Variants in POM121C observed in about 807,000 individuals in gnomAD.
POM121C encodes POM121 transmembrane nucleoporin C.
In POM121C, 20 loss-of-function variants were observed where a neutral mutation model predicts 66.4. The ratio of observed to expected loss-of-function variants is 0.30; its 90% CI spans 0.21 to 0.44. The LOEUF is 0.44. Among genes scored for constraint, POM121C ranks in the 20% least tolerant of loss-of-function variants. POM121C has a pLI of 1.00. For missense variants in POM121C, 580 were observed against 1,225.7 expected (o/e 0.47, Z 7.87); for synonymous variants, 286 against 528.0 (o/e 0.54, Z 6.28).
intron 1 of POM121C, among the ~76,000 whole-genome samples, chr7:75,481,220 C>T (rs1212220977): frequency 6.6e-6 from 1 of 150,426 alleles, no homozygotes; most frequent in Non-Finnish European, 1.5e-5. Context: ...GAAAATAATG[C>T]TATCAAATAT....
intron 5 of POM121C, among the ~76,000 whole-genome samples, chr7:75,440,129 C>T (rs1790578553): frequency 6.6e-6 from 1 of 151,900 alleles, no homozygotes; most frequent in African/African-American, 2.4e-5. Flanking sequence ...GATCCACCCG[C>T]CTCGGCCTCT....
chr7:75,456,052 T>C (rs1791201682), intron 3 of POM121C, among the ~76,000 whole-genome samples: 1 of 152,138 alleles, frequency 6.6e-6, no homozygotes, highest in South Asian at 2.1e-4. Flanking sequence ...CTGGGCAACA[T>C]AGCAGAGATC....
In POM121C at chr7:75,483,495, G is replaced by C. The variant is rs144733822; in HGVS notation, c.-458+2369C>G. On this transcript the variant is annotated intron_variant, in intron 1 of 14. Coordinates refer to ENST00000615331, the MANE Select transcript of POM121C (RefSeq NM_001099415.3). The stretch of plus-strand genomic sequence containing the variant: ...CTTTCCCTTCACCTTTCACTTGACT[G>C]TAAGTTTCCTGAGGACTCCTCAGCC... Among the ~76,000 whole-genome samples the C allele has an allele frequency of 2.0e-5, 3 of 152,244 alleles. 1 individual carries two copies. Among genetic ancestry groups the C allele is most frequent in the African/African-American group, 7.2e-5 (3 of 41,552 alleles).
chr7:75,429,240 C>A (rs1554472067), intron 7 of POM121C, among the ~76,000 whole-genome samples: 1 of 152,206 alleles, frequency 6.6e-6, no homozygotes, highest in East Asian at 1.9e-4. Context: ...AAAGAACATA[C>A]AGATTTAGCA....
chr7:75,436,505 ATGGT>A (rs1790417613), intron 7 of POM121C, among the ~76,000 whole-genome samples: 4 of 152,192 alleles, frequency 2.6e-5, no homozygotes, highest in Non-Finnish European at 5.9e-5. Context: ...AAGAGGGGTA[ATGGT>A]ATTATGGTTA....
At chr7:75,480,990 G>A (rs1792284791) in intron 1 of POM121C, among the ~76,000 whole-genome samples, 1 of 149,574 alleles carries the variant, frequency 6.7e-6, no homozygotes, top group African/African-American at 2.4e-5. Context: ...ATAGGGTAAA[G>A]AGGCATGACA....
intron 1 of POM121C, among the ~76,000 whole-genome samples, chr7:75,479,864 A>C (rs1338832468): frequency 6.6e-6 from 1 of 152,184 alleles, no homozygotes; most frequent in Non-Finnish European, 1.5e-5. Flanking sequence ...AAATAACAAA[A>C]CAGTGTGATA....
chr7:75,442,832 C>G lies in POM121C; in HGVS notation c.-151-1185G>C, dbSNP rs1790714743. The stretch of plus-strand genomic sequence containing the variant: ...CGCGCGACTCGGGGAGACGCTACAG[C>G]CCGGCAGCTCCCGAGACACAGCTGT... On this transcript the variant is annotated intron_variant, in intron 3 of 14. Coordinates refer to ENST00000615331, the MANE Select transcript of POM121C (RefSeq NM_001099415.3). 13 of 1,127,296 alleles carry G rather than the reference C, an allele frequency of 1.2e-5. No individual in the cohort carries two copies. In the South Asian group the frequency reaches 3.7e-4, roughly 32 times the overall value. 69.8% of individuals were successfully genotyped at this position (1,127,296 alleles called of 1,614,324 possible).
At chr7:75,476,163 T>C (rs1240948925) in intron 1 of POM121C, among the ~76,000 whole-genome samples, 2 of 152,142 alleles carry the variant, frequency 1.3e-5, no homozygotes, top group Admixed American at 6.5e-5. Flanking sequence ...TCATGGCACA[T>C]GCCTGTAGTT....
At chr7:75,485,667 C>A (rs1188668559) in intron 1 of POM121C, among the ~76,000 whole-genome samples, 197 bp downstream of exon 1, 11 of 152,168 alleles carry the variant, frequency 7.2e-5, no homozygotes, top group Non-Finnish European at 1.5e-4. Flanking sequence ...ACACCCTCCA[C>A]GCCTCCGTAA....
rs1456990628 is a variant in POM121C, at chr7:75,486,285, G to A, written c.-879C>T. On this transcript the variant is annotated 5_prime_UTR_variant, in exon 1 of 15. Transcript: ENST00000615331. Reference sequence around the variant, plus strand: ...GCAAGCGATGACCTGAAGAGGCACAGGAAGCGAGGGCAGTGCGGAGGTGGC... The same window carrying A: ...GCAAGCGATGACCTGAAGAGGCACAAGAAGCGAGGGCAGTGCGGAGGTGGC... 5.4e-5 allele frequency: 14 copies of A among 260,544 alleles called. No individual in the cohort carries two copies. Among genetic ancestry groups the A allele is most frequent in the African/African-American group, 9.5e-5 (4 of 41,918 alleles). 16.1% of individuals were successfully genotyped at this position (260,544 alleles called of 1,614,324 possible). A position where few individuals can be genotyped will look rare whatever the true frequency, so the allele number is the denominator to read the frequency against.
chr7:75,454,930 A>G (rs1421189268), intron 3 of POM121C, among the ~76,000 whole-genome samples: 5 of 152,130 alleles, frequency 3.3e-5, no homozygotes, highest in African/African-American at 1.2e-4. Context: ...ATTTTCCTCC[A>G]TTTTATACCT....
At chr7:75,443,655 AG>A (rs1467916485) in intron 3 of POM121C, among the ~76,000 whole-genome samples, 539 of 115,356 alleles carry the variant, frequency 4.7e-3, no homozygotes, top group Non-Finnish European at 7.5e-3. Context: ...GAACAAAAAA[AG>A]AGGCCAGACG....
rs1554471626 is a variant in POM121C at position 75,425,651 on chromosome 7, C to T, written c.630G>A (p.Glu210=). ...GCAACCTACCCTTTTCTCCCTGGGA[C>T]TCCTTGTCTGCTGCCAATGGAGTTG... ...SSSTPLAADK[E]SQGEKAADTT... is the part of the protein sequence containing the mutation. Residue 210 remains glutamate, a synonymous_variant, in exon 9 of 15, where the codon GAG becomes GAA. Transcript: ENST00000615331. 6.2e-7 allele frequency: 1 copy of T among 1,609,116 alleles called. No homozygotes were observed. Among genetic ancestry groups the T allele is most frequent in the Admixed American group, 1.7e-5 (1 of 59,044 alleles).
rs782271084 is a variant in POM121C at position 75,442,689 on chromosome 7, C to G, written c.-151-1042G>C. Reference sequence around the variant, plus strand: ...CTCGCTATCGGCCGCCGCCGCTCGCCTGCTCCAGCCGCCGCAGCCGCCGGA... The same window carrying G: ...CTCGCTATCGGCCGCCGCCGCTCGCGTGCTCCAGCCGCCGCAGCCGCCGGA... On this transcript the variant is annotated intron_variant, in intron 3 of 14. Transcript: ENST00000615331. 33 of 1,410,298 alleles carry G rather than the reference C, an allele frequency of 2.3e-5. 1 individual carries two copies. The South Asian group carries it at 4.4e-4, about 19-fold the overall frequency. The allele number at this position is 1,410,298 out of a possible 1,614,324, so 87.4% of individuals were successfully genotyped here. A position where few individuals can be genotyped will look rare whatever the true frequency, so the allele number is the denominator to read the frequency against.
chr7:75,463,445 TTTTC>T (rs1298556344), intron 3 of POM121C, among the ~76,000 whole-genome samples: 2 of 150,704 alleles, frequency 1.3e-5, no homozygotes, highest in Admixed American at 6.6e-5. Context: ...AGAGCTGGGT[TTTTC>T]TTTTTTTTTT....
At chr7:75,475,546 C>T (rs1193848617) in intron 1 of POM121C, among the ~76,000 whole-genome samples, 1 of 150,416 alleles carries the variant, frequency 6.6e-6, no homozygotes, top group African/African-American at 2.4e-5. Context: ...TTCTTTGCTG[C>T]CAGGCCCTCC....
At chr7:75,452,337 G>A (rs1415271134) in intron 3 of POM121C, among the ~76,000 whole-genome samples, 1 of 151,896 alleles carries the variant, frequency 6.6e-6, no homozygotes, top group Non-Finnish European at 1.5e-5. Context: ...GTGCACACCT[G>A]TAATCCCAGC....
intron 3 of POM121C, among the ~76,000 whole-genome samples, chr7:75,468,458 C>A (rs1481673991): frequency 6.6e-6 from 1 of 151,518 alleles, no homozygotes; most frequent in African/African-American, 2.4e-5. Flanking sequence ...CCTGGGATTA[C>A]ATGCGCCCAC....
Sources: allele counts gnomAD v4.1 joint callset (sites outside exome capture counted in the v4.1 genomes callset), GRCh38; gene constraint gnomAD v4.1.1; transcripts MANE v1.5; gene names NCBI Gene and HGNC (gene_info 2026-07-23, HGNC 2026-07-21).